RAD17: variants seen among roughly 807,000 people sequenced by gnomAD.
The protein encoded by RAD17 is cell cycle checkpoint protein RAD17.
Under a neutral mutation model 81.5 loss-of-function variants are expected in RAD17, and 31 were observed. The ratio of observed to expected loss-of-function variants is 0.38; its 90% confidence interval spans 0.29 to 0.51. The LOEUF (loss-of-function observed/expected upper bound fraction) is 0.51, where lower values mean the gene tolerates loss of function less well. RAD17 is among the 20% of genes least tolerant of loss of function. The probability of loss-of-function intolerance (pLI) is 0.88; values close to 1 mark genes in which losing one functional copy is unlikely to be tolerated. For missense variants in RAD17, 681 were observed against 781.2 expected (o/e 0.87, Z 1.53); for synonymous variants, 261 against 266.2 (o/e 0.98, Z 0.19).
intron 17 of RAD17, 142 bp downstream of exon 17, chr5:69,400,311 G>A: frequency 2.1e-6 from 1 of 472,626 alleles, no homozygotes; most frequent in Non-Finnish European, 3.2e-6. Flanking sequence ...TCTGCCTCCT[G>A]GGTTCAAGCA....
chr5:69,412,835 A>G (rs1449274849), intron 18 of RAD17, among the ~76,000 whole-genome samples: 2 of 152,028 alleles, frequency 1.3e-5, no homozygotes, highest in African/African-American at 2.4e-5. Context: ...CTAAAAATAC[A>G]AAAACTAGCT....
At chr5:69,394,958 G>A (rs2150841904) in intron 15 of RAD17, among the ~76,000 whole-genome samples, 1 of 152,250 alleles carries the variant, frequency 6.6e-6, no homozygotes, top group Middle Eastern at 3.4e-3. Context: ...AGGCTGAGGT[G>A]GGAGGATGGC....
At chr5:69,396,768 C>A (rs912232732) in intron 16 of RAD17, among the ~76,000 whole-genome samples, 6 of 152,142 alleles carry the variant, frequency 3.9e-5, no homozygotes, top group Non-Finnish European at 8.8e-5. Flanking sequence ...AAAAGACCAT[C>A]ACAATTTGAA....
At position 69,413,989 on chromosome 5, in the gene RAD17, C is replaced by T. The variant is rs904009656; in HGVS notation, c.1752-42C>T. ...ACTCATGGTGTAATTTAAAAATCTT[C>T]TCCTTTGGTTCTTATTAATGCCTGC... On this transcript the variant is annotated intron_variant, in intron 18 of 18. Coordinates refer to ENST00000354868, the MANE Select transcript of RAD17 (RefSeq NM_133338.3). 3.8e-6 allele frequency: 6 copies of T among 1,590,782 alleles called. No individual in the cohort carries two copies. In the African/African-American group the frequency reaches 8.1e-5, roughly 22 times the overall value.
At chr5:69,370,818 A>G (rs965444412) in intron 1 of RAD17, 1 of 180,592 alleles carries the variant, frequency 5.5e-6, no homozygotes, top group Non-Finnish European at 1.2e-5. Flanking sequence ...TGTGCCTCCA[A>G]ACTGTAAAGT....
chr5:69,384,411 A>G (rs567035111), intron 7 of RAD17, among the ~76,000 whole-genome samples: 92 of 152,096 alleles, frequency 6.0e-4, no homozygotes, highest in African/African-American at 2.1e-3. Flanking sequence ...GGCTCAAGCT[A>G]TTACCCCCAC....
rs17236492 is a variant in RAD17, at chr5:69,396,809, C to T, written c.1572+263C>T. ...TAGTTCAGTTTTATTGGAATCAAAG[C>T]GTAGTTACATTTTATTTTATTTTTT... On this transcript the variant is annotated intron_variant, in intron 16 of 18. Transcript: ENST00000354868. Among the ~76,000 whole-genome samples the T allele has an allele frequency of 3.0e-3, 462 of 152,084 alleles. 2 individuals are homozygous for T. The highest frequency in any genetic ancestry group is 0.011 in the African/African-American group (441 of 41,528).
chr5:69,407,740 C>T (rs13436781), intron 17 of RAD17, among the ~76,000 whole-genome samples: 2 of 152,074 alleles, frequency 1.3e-5, no homozygotes, highest in South Asian at 2.1e-4. Context: ...CTATGCCCGG[C>T]GGGGTTTCGC....
intron 17 of RAD17, among the ~76,000 whole-genome samples, chr5:69,405,914 C>T (rs1228958473): frequency 6.6e-6 from 1 of 151,610 alleles, no homozygotes; most frequent in African/African-American, 2.4e-5. Flanking sequence ...TGGTGGTGTA[C>T]TCCTGTAATC....
intron 6 of RAD17, among the ~76,000 whole-genome samples, chr5:69,380,352 A>C (rs1192730823): frequency 6.6e-6 from 1 of 152,188 alleles, no homozygotes; most frequent in Non-Finnish European, 1.5e-5. Flanking sequence ...CACCAGCATT[A>C]CCACAAACAT....
upstream of RAD17, chr5:69,369,642 C>G (rs771637150): frequency 6.4e-7 from 1 of 1,563,314 alleles, no homozygotes; most frequent in Non-Finnish European, 8.7e-7. Context: ...GGCCCAGCCG[C>G]GGCCCACTGG....
chr5:69,393,908 GTTTTTTTTTTT>G (rs34500104), intron 15 of RAD17, among the ~76,000 whole-genome samples: 1 of 73,106 alleles, frequency 1.4e-5, no homozygotes, highest in South Asian at 5.7e-4. Context: ...TGTTATGGTG[GTTTTTTTTTTT>G]TTTTTTTTTT....
chr5:69,393,933 A>G (rs1400816507), intron 15 of RAD17, among the ~76,000 whole-genome samples: 2 of 27,134 alleles, frequency 7.4e-5, no homozygotes, highest in Non-Finnish European at 1.5e-4. Flanking sequence ...TTTTTTTTTG[A>G]GAAGAGGCTC....
At chr5:69,401,710 G>A (rs1014366070) in intron 17 of RAD17, among the ~76,000 whole-genome samples, 16 of 152,006 alleles carry the variant, frequency 1.1e-4, no homozygotes, top group Middle Eastern at 6.8e-3. Context: ...GTTTTTGGCC[G>A]GGTGCAGTGG....
intron 13 of RAD17, chr5:69,392,846 A>G: frequency 2.2e-6 from 1 of 464,466 alleles, no homozygotes; most frequent in Non-Finnish European, 4.1e-6. Flanking sequence ...AGACCACTGT[A>G]TTGAGATGAG....
Position 69,414,391 on chromosome 5 carries a change from A to T in RAD17, c.*99A>T. 2 of 1,307,696 alleles carry T rather than the reference A, an allele frequency of 1.5e-6. No homozygotes were observed. The highest frequency in any genetic ancestry group is 2.8e-5 in the South Asian group (2 of 71,056). 81.0% of individuals were successfully genotyped at this position (1,307,696 alleles called of 1,614,324 possible). On this transcript the variant is annotated 3_prime_UTR_variant, in exon 19 of 19. Coordinates refer to ENST00000354868, the MANE Select transcript of RAD17 (RefSeq NM_133338.3). ...AATATGCTTTTCTGATGAATTACAC[A>T]ACAGTTTGTTAATTCTTCATTCTTG...
intron 6 of RAD17, among the ~76,000 whole-genome samples, chr5:69,381,327 A>G (rs867293691): frequency 5.9e-5 from 9 of 151,966 alleles, no homozygotes; most frequent in Non-Finnish European, 1.0e-4. Flanking sequence ...AAAAATACAA[A>G]AAAATTAGCC....
chr5:69,379,537 A>C (rs1763715538), intron 6 of RAD17, among the ~76,000 whole-genome samples: 1 of 152,154 alleles, frequency 6.6e-6, no homozygotes, highest in South Asian at 2.1e-4. Context: ...TTACTTTATA[A>C]ACTTTTAGAT....
At chr5:69,373,056 G>A (rs1357916054) in intron 4 of RAD17, among the ~76,000 whole-genome samples, 1 of 152,146 alleles carries the variant, frequency 6.6e-6, no homozygotes, top group African/African-American at 2.4e-5. Flanking sequence ...TCTTCACTAA[G>A]TCTTCAAGCT....
Sources: allele counts gnomAD v4.1 joint callset (sites outside exome capture counted in the v4.1 genomes callset), GRCh38; gene constraint gnomAD v4.1.1; transcripts MANE v1.5; gene names NCBI Gene and HGNC (gene_info 2026-07-23, HGNC 2026-07-21).